HDAC4: variants seen among roughly 807,000 people sequenced by gnomAD.
HDAC4 encodes the protein histone deacetylase 4, also known as histone deacetylase A.
A neutral mutation model predicts 135.1 loss-of-function variants in HDAC4; 16 were observed. The ratio of observed to expected loss-of-function variants is 0.12; its 90% CI spans 0.08 to 0.18. The LOEUF is 0.18. Ranked by LOEUF, HDAC4 falls within the 10% of genes least tolerant of loss-of-function variation. HDAC4 has a pLI of 1.00. For synonymous variants in HDAC4, 685 were observed against 653.4 expected (o/e 1.05, Z -0.74); for missense variants, 1,143 against 1,511.8 (o/e 0.76, Z 4.05).
At chr2:239,321,367 A>C (rs1262509787) in intron 2 of HDAC4, among the ~76,000 whole-genome samples, 2 of 145,428 alleles carry the variant, frequency 1.4e-5, no homozygotes, top group African/African-American at 5.0e-5. Flanking sequence ...CAGGAGGCTG[A>C]GGCAGGACAA....
At chr2:239,117,834 C>T (rs890013065) in intron 12 of HDAC4, among the ~76,000 whole-genome samples, 1 of 152,156 alleles carries the variant, frequency 6.6e-6, no homozygotes, top group South Asian at 2.1e-4. Flanking sequence ...GGAGCTACAG[C>T]GCGTGGAGGA....
rs1287174001 is a variant in HDAC4, at chr2:239,262,304, T to C, written c.23-25640A>G. ...GGATTACAGAAACCTTGGCTTAGTA[T>C]CAGAGACCACAATAACACACTTTAG... On this transcript the variant is annotated intron_variant, in intron 2 of 26. Transcript: ENST00000543185. This position sits in a 1 kb window ranked among gnomAD's most constrained non-coding sequence, Gnocchi z 4.1. Among the ~76,000 whole-genome samples the C allele has an allele frequency of 2.0e-5, 3 of 152,206 alleles. No homozygotes were observed. The highest frequency in any genetic ancestry group is 6.5e-5 in the Admixed American group (1 of 15,282).
At chr2:239,128,239 T>C (rs1456617094) in intron 11 of HDAC4, among the ~76,000 whole-genome samples, 1 of 152,094 alleles carries the variant, frequency 6.6e-6, no homozygotes, top group Non-Finnish European at 1.5e-5. Context: ...AAGAAAAAGG[T>C]AAACCATCCT....
At chr2:239,178,975 C>G (rs572051271) in intron 4 of HDAC4, among the ~76,000 whole-genome samples, 1 of 151,482 alleles carries the variant, frequency 6.6e-6, no homozygotes, top group African/African-American at 2.4e-5. Context: ...GGAGTGCGTG[C>G]GAGGCAGCCA....
At chr2:239,100,665 G>A (rs113264545) in intron 16 of HDAC4, among the ~76,000 whole-genome samples, 3 of 152,174 alleles carry the variant, frequency 2.0e-5, no homozygotes, top group African/African-American at 4.8e-5. Context: ...GTGATTAGCC[G>A]TGAGTGCCAG....
intron 4 of HDAC4, among the ~76,000 whole-genome samples, chr2:239,180,076 C>G (rs1559187229): frequency 6.6e-6 from 1 of 152,192 alleles, no homozygotes; most frequent in Non-Finnish European, 1.5e-5. Context: ...CCGGGAACAT[C>G]TCCTGCATCT....
At chr2:239,376,685 C>T (rs558127857) in intron 1 of HDAC4, among the ~76,000 whole-genome samples, 24 of 152,276 alleles carry the variant, frequency 1.6e-4, no homozygotes, top group Non-Finnish European at 2.9e-4. Context: ...TAGTTCAGAC[C>T]GTGTGTTCCT....
Position 239,156,785 on chromosome 2 carries a change from G to A in HDAC4, c.612-12C>T, listed in dbSNP as rs1423321800. 1 of 1,614,056 alleles carries A rather than the reference G, an allele frequency of 6.2e-7. No individual in the cohort carries two copies. Among genetic ancestry groups the A allele is most frequent in the Non-Finnish European group, 8.5e-7 (1 of 1,180,028 alleles). On this transcript the variant is annotated splice_polypyrimidine_tract_variant and intron_variant, in intron 6 of 26. Transcript: ENST00000543185. ...TGTGCTGCGTTTTCCTGGAGAGAAG[G>A]CAAAGACAGATGGTTTAGTTTACCC...
chr2:239,092,400 G>C (rs1166062636), intron 17 of HDAC4, among the ~76,000 whole-genome samples: 1 of 152,204 alleles, frequency 6.6e-6, no homozygotes, highest in Non-Finnish European at 1.5e-5. Context: ...CCCAGAGATG[G>C]TTTCTCTCCA....
At chr2:239,295,250 T>G (rs913428805) in intron 2 of HDAC4, among the ~76,000 whole-genome samples, 1 of 126,522 alleles carries the variant, frequency 7.9e-6, no homozygotes. Flanking sequence ...GAGCTTGCAG[T>G]GAGCCGAGAT....
intron 3 of HDAC4, among the ~76,000 whole-genome samples, chr2:239,198,668 T>G (rs1426042649): frequency 1.3e-5 from 2 of 152,202 alleles, no homozygotes; most frequent in East Asian, 3.8e-4. Context: ...TTGGGTCTGC[T>G]GAATCGCTGT....
intron 6 of HDAC4, chr2:239,162,017 T>C: frequency 2.4e-6 from 1 of 423,776 alleles, no homozygotes; most frequent in South Asian, 1.7e-5. Flanking sequence ...CCCCGTCCAC[T>C]GTCCACTGAC....
intron 1 of HDAC4, among the ~76,000 whole-genome samples, chr2:239,368,133 G>A (rs1023974330): frequency 1.3e-5 from 2 of 152,204 alleles, no homozygotes; most frequent in Non-Finnish European, 2.9e-5. Context: ...CAGTCAGCCT[G>A]TGCATCTCAA....
At chr2:239,284,511 G>A (rs1442621040) in intron 2 of HDAC4, among the ~76,000 whole-genome samples, 1 of 152,226 alleles carries the variant, frequency 6.6e-6, no homozygotes, top group Admixed American at 6.5e-5. Context: ...GTGACCCTGA[G>A]AGCAGCTTCC....
intron 22 of HDAC4, among the ~76,000 whole-genome samples, chr2:239,079,591 G>A (rs191697038): frequency 1.3e-5 from 2 of 152,332 alleles, no homozygotes; most frequent in African/African-American, 4.8e-5. Flanking sequence ...CTTATTCACC[G>A]TCCCCAGAAA....
chr2:239,222,613 C>T (rs2047023125), intron 3 of HDAC4, among the ~76,000 whole-genome samples: 1 of 151,776 alleles, frequency 6.6e-6, no homozygotes, highest in South Asian at 2.1e-4. Flanking sequence ...CAAGCATGAC[C>T]CCCAGAAATA....
Position 239,308,016 on chromosome 2 carries a change from A to G in HDAC4, c.22+44662T>C, listed in dbSNP as rs545789332. ...CGGCCACACAGCAATGAGTGGCCAC[A>G]CAGCAACGAGCTGCGAGGAGCCAAG... is the stretch of plus-strand genomic sequence containing the variant. On this transcript the variant is annotated intron_variant, in intron 2 of 26. Coordinates refer to ENST00000543185, the MANE Select transcript of HDAC4 (RefSeq NM_001378414.1). The surrounding 1 kb of genome is among the most constrained non-coding windows in gnomAD (Gnocchi z 4.2). Among the ~76,000 whole-genome samples, 2 of 152,282 alleles carry G rather than the reference A, an allele frequency of 1.3e-5. No homozygotes were observed. The highest frequency in any genetic ancestry group is 4.1e-4 in the South Asian group (2 of 4,820).
intron 1 of HDAC4, among the ~76,000 whole-genome samples, chr2:239,374,528 C>G (rs1161035177): frequency 6.8e-6 from 1 of 147,684 alleles, no homozygotes; most frequent in Non-Finnish European, 1.5e-5. Context: ...CTCAGCCTCC[C>G]AAGTAGCTGG....
At chr2:239,252,073 A>T (rs944644306) in intron 2 of HDAC4, among the ~76,000 whole-genome samples, 5 of 152,242 alleles carry the variant, frequency 3.3e-5, no homozygotes, top group African/African-American at 1.2e-4. Flanking sequence ...TTGGATGTTC[A>T]CTACGCTAAT....
Sources: allele counts gnomAD v4.1 joint callset (sites outside exome capture counted in the v4.1 genomes callset), GRCh38; gene constraint gnomAD v4.1.1; non-coding constraint Gnocchi (gnomAD v3.1); transcripts MANE v1.5; gene names NCBI Gene and HGNC (gene_info 2026-07-23, HGNC 2026-07-21).